The following ABCC9 variants were observed in gnomAD, a reference collection of about 807,000 sequenced individuals.
ABCC9 encodes the protein ATP-binding cassette sub-family C member 9.
ABCC9 carries 95 observed loss-of-function variants against 188.3 expected under a neutral mutation model. The observed-to-expected ratio is 0.50, with a 90% CI of 0.43 to 0.60. The LOEUF (loss-of-function observed/expected upper bound fraction) is 0.60, where lower values mean the gene tolerates loss of function less well. ABCC9 is among the 20% of genes least tolerant of loss of function. ABCC9 has a pLI of 0.00. For synonymous variants in ABCC9, 659 were observed against 652.7 expected, an observed-to-expected ratio of 1.01 and a Z score of -0.15; for missense variants, 1,102 against 1,876.3, an observed-to-expected ratio of 0.59 and a Z score of 7.62.
chr12:21,915,406 A>G lies in ABCC9; in HGVS notation c.816+262T>C, dbSNP rs535473897. Among the ~76,000 whole-genome samples the G allele has an allele frequency of 1.5e-3, 197 of 128,780 alleles. 4 individuals carry two copies. The South Asian group carries it at 0.031, about 20-fold the overall frequency. The allele number at this position is 128,780 out of a possible 152,430, so 84.5% of individuals were successfully genotyped here. A position where few individuals can be genotyped will look rare whatever the true frequency, so the allele number is the denominator to read the frequency against. On this transcript the variant is annotated intron_variant, in intron 7 of 39. Coordinates refer to ENST00000261200, the MANE Select transcript of ABCC9 (RefSeq NM_020297.4). ...TAGACATGTGTATATATGTATGTGT[A>G]TATAGACACGTGTATATATGTGTGT...
intron 5 of ABCC9, chr12:21,923,711 A>C: frequency 1.6e-6 from 1 of 607,384 alleles, no homozygotes; most frequent in Non-Finnish European, 2.9e-6. Context: ...AAAAGATGTC[A>C]GTTTCTTAAA....
chr12:21,877,342 C>T (rs1946412194), intron 16 of ABCC9, among the ~76,000 whole-genome samples: 1 of 152,066 alleles, frequency 6.6e-6, no homozygotes, highest in Admixed American at 6.5e-5. Flanking sequence ...GGCCTTTTAA[C>T]TAGTTTTGTA....
At chr12:21,823,951 T>G (rs1419105566) in intron 31 of ABCC9, among the ~76,000 whole-genome samples, 2 of 152,186 alleles carry the variant, frequency 1.3e-5, no homozygotes, top group Non-Finnish European at 2.9e-5. Context: ...CCTTTTATGA[T>G]TTGAGTGTGT....
intron 22 of ABCC9, 79 bp downstream of exon 22, chr12:21,859,507 T>G: frequency 7.2e-7 from 1 of 1,389,402 alleles, no homozygotes; most frequent in Non-Finnish European, 1.0e-6. Flanking sequence ...CTTGAGTTAC[T>G]TGACTTACAC....
At chr12:21,896,100 CTTTTCTTTT>C (rs1947401197) in intron 12 of ABCC9, among the ~76,000 whole-genome samples, 1 of 25,140 alleles carries the variant, frequency 4.0e-5, no homozygotes, top group Non-Finnish European at 1.0e-4. Flanking sequence ...TTTTTTTTTA[CTTTTCTTTT>C]TTTTTTTATT....
rs146692873 is a variant in ABCC9, at chr12:21,930,499, C to T, written c.284+3283G>A. On this transcript the variant is annotated intron_variant, in intron 4 of 39. Transcript: ENST00000261200. Reference sequence around the variant, plus strand: ...ATACCTGGGGAGGTCATGTTATACACAGATAATCTTAGGTCTCATCTGTAA... The same window carrying T: ...ATACCTGGGGAGGTCATGTTATACATAGATAATCTTAGGTCTCATCTGTAA... 1.7e-4 allele frequency among the ~76,000 whole-genome samples: 26 copies of T among 152,170 alleles called. No individual in the cohort carries two copies. In the East Asian group the frequency reaches 4.8e-3, roughly 28 times the overall value.
intron 12 of ABCC9, among the ~76,000 whole-genome samples, chr12:21,904,173 T>C (rs539379534): frequency 9.3e-3 from 1 of 108 alleles, no homozygotes; most frequent in African/African-American, 0.029. Flanking sequence ...AAACAAGAAA[T>C]GGTGAAAGAT....
intron 13 of ABCC9, among the ~76,000 whole-genome samples, chr12:21,894,875 T>A (rs1202148304): frequency 6.6e-6 from 1 of 152,236 alleles, no homozygotes; most frequent in Admixed American, 6.5e-5. Flanking sequence ...TCTAGCTCCA[T>A]CTTGTTGTAA....
At chr12:21,922,147 T>C (rs950305275) in intron 5 of ABCC9, among the ~76,000 whole-genome samples, 7 of 152,040 alleles carry the variant, frequency 4.6e-5, no homozygotes, top group Non-Finnish European at 1.0e-4. Flanking sequence ...ATCTGTAGAT[T>C]GCTTTGAGTA....
Position 21,910,816 on chromosome 12 carries a change from C to T in ABCC9, c.1164+10G>A, listed in dbSNP as rs876657427. On this transcript the variant is annotated intron_variant, in intron 9 of 39. Coordinates refer to ENST00000261200, the MANE Select transcript of ABCC9 (RefSeq NM_020297.4). The stretch of plus-strand genomic sequence containing the variant: ...TTAGGAAACAAATAGTATTCACAGC[C>T]TTTACATACCAGCAGAGCTCCACGG... 1.2e-5 allele frequency: 20 copies of T among 1,606,542 alleles called. No homozygotes were observed. Among genetic ancestry groups the T allele is most frequent in the Non-Finnish European group, 1.7e-5 (20 of 1,173,488 alleles).
At chr12:21,869,346 T>G (rs1308036183) in intron 18 of ABCC9, among the ~76,000 whole-genome samples, 1 of 152,204 alleles carries the variant, frequency 6.6e-6, no homozygotes, top group Non-Finnish European at 1.5e-5. Flanking sequence ...CAAACTACCT[T>G]CATCTCTCAT....
At chr12:21,832,537 C>T (rs1277951301) in intron 30 of ABCC9, among the ~76,000 whole-genome samples, 1 of 151,924 alleles carries the variant, frequency 6.6e-6, no homozygotes, top group Non-Finnish European at 1.5e-5. Flanking sequence ...GCTTTACGTC[C>T]CTAATCATCA....
intron 22 of ABCC9, among the ~76,000 whole-genome samples, chr12:21,855,783 A>G (rs917657077): frequency 1.3e-5 from 2 of 152,206 alleles, no homozygotes; most frequent in Non-Finnish European, 2.9e-5. Flanking sequence ...TTTCTTATAA[A>G]TAAAGCCATG....
intron 32 of ABCC9, 122 bp downstream of exon 32, chr12:21,818,026 TAG>T: frequency 1.1e-5 from 4 of 373,784 alleles, no homozygotes; most frequent in Non-Finnish European, 2.2e-5. Flanking sequence ...CACCCCCCAA[TAG>T]GCCCTGGTAT....
chr12:21,889,243 T>G (rs2137700795), intron 14 of ABCC9, among the ~76,000 whole-genome samples: 1 of 152,306 alleles, frequency 6.6e-6, no homozygotes, highest in Admixed American at 6.5e-5. Context: ...GAGGTAATTA[T>G]TTAGGAAGAG....
At chr12:21,910,054 C>T in intron 10 of ABCC9, 103 bp downstream of exon 10, 1 of 1,107,862 alleles carries the variant, frequency 9.0e-7, no homozygotes, top group Non-Finnish European at 1.3e-6. Context: ...GTAATATTTG[C>T]ACATTCAAAA....
At chr12:21,893,079 CT>C (rs1272820121) in intron 14 of ABCC9, among the ~76,000 whole-genome samples, 1 of 152,014 alleles carries the variant, frequency 6.6e-6, no homozygotes, top group Admixed American at 6.6e-5. Context: ...AGAAAAATTC[CT>C]TTTTAAGAGT....
rs149163802 is a variant in ABCC9, at chr12:21,837,033, G to A, written c.3566+1045C>T. Among the ~76,000 whole-genome samples the A allele has an allele frequency of 4.9e-3, 749 of 151,976 alleles. 9 individuals are homozygous for A. Among genetic ancestry groups the A allele is most frequent in the African/African-American group, 0.017 (695 of 41,426 alleles). ...CAAGAATAGTACCTGGCATATGTTC[G>A]GTACTCAAATGTTTCTTAAATAAAT... On this transcript the variant is annotated intron_variant, in intron 30 of 39. Transcript: ENST00000261200.
intron 26 of ABCC9, among the ~76,000 whole-genome samples, 189 bp downstream of exon 26, chr12:21,845,411 TTAA>T (rs1368355775): frequency 6.6e-6 from 1 of 152,164 alleles, no homozygotes; most frequent in South Asian, 2.1e-4. Context: ...TTTAAAAGTA[TTAA>T]TAATAGCTTC....
Sources: gnomAD v4.1 joint callset for allele counts (sites outside exome capture counted in the v4.1 genomes callset) on GRCh38, gnomAD v4.1.1 for gene constraint, MANE v1.5 for transcripts, NCBI Gene and HGNC (gene_info 2026-07-23, HGNC 2026-07-21) for gene names.